Variants in PRKN observed in about 807,000 individuals in gnomAD.
PRKN encodes parkin RBR E3 ubiquitin protein ligase.
Under a neutral mutation model 59.5 loss-of-function variants are expected in PRKN, and 56 were observed. The ratio of observed to expected loss-of-function variants is 0.94; its 90% CI spans 0.76 to 1.18. PRKN has a LOEUF of 1.18. PRKN is among the 50% of genes most tolerant of loss of function. PRKN has a pLI of 0.00. For missense variants in PRKN, 657 were observed against 596.4 expected, an observed-to-expected ratio of 1.10 and a Z score of -1.06; for synonymous variants, 250 against 222.1, an observed-to-expected ratio of 1.13 and a Z score of -1.12.
At chr6:162,115,387 C>T (rs1195521035) in intron 4 of PRKN, among the ~76,000 whole-genome samples, 1 of 151,812 alleles carries the variant, frequency 6.6e-6, no homozygotes, top group East Asian at 1.9e-4. Context: ...GGAAATATAC[C>T]TAATGCTAGA....
At chr6:162,138,748 T>C (rs1411516084) in intron 4 of PRKN, among the ~76,000 whole-genome samples, 1 of 152,096 alleles carries the variant, frequency 6.6e-6, no homozygotes, top group Non-Finnish European at 1.5e-5. Flanking sequence ...ATATTTTCAA[T>C]AAAGATACAC....
chr6:162,138,835 T>C (rs1238770579), intron 4 of PRKN, among the ~76,000 whole-genome samples: 1 of 152,096 alleles, frequency 6.6e-6, no homozygotes, highest in East Asian at 1.9e-4. Flanking sequence ...AGAGAACCCA[T>C]TCATAACTCA....
intron 1 of PRKN, among the ~76,000 whole-genome samples, chr6:162,455,714 C>A (rs192586459): frequency 2.7e-5 from 4 of 150,350 alleles, no homozygotes; most frequent in African/African-American, 1.0e-4. Context: ...TGTCAAAAGG[C>A]GGTCACTTTC....
intron 4 of PRKN, among the ~76,000 whole-genome samples, chr6:162,123,447 T>C (rs1237690409): frequency 6.6e-6 from 1 of 152,208 alleles, no homozygotes; most frequent in African/African-American, 2.4e-5. Flanking sequence ...AATATAGGTA[T>C]GTATATGGTA....
In PRKN at chr6:162,501,648, G is replaced by A. The variant is rs373929803; in HGVS notation, c.8-58175C>T. ...TGGGATTACAGGTGTGAGCCACCGC[G>A]CCCGGCCATGCTCCTAAAACTCTAA... On this transcript the variant is annotated intron_variant, in intron 1 of 11. Coordinates refer to ENST00000366898, the MANE Select transcript of PRKN (RefSeq NM_004562.3). Among the ~76,000 whole-genome samples the A allele has an allele frequency of 1.6e-4, 24 of 151,828 alleles. No individual in the cohort carries two copies. The East Asian group carries it at 3.1e-3, about 20-fold the overall frequency.
chr6:162,158,696 G>A (rs569655978), intron 4 of PRKN, among the ~76,000 whole-genome samples: 2 of 152,080 alleles, frequency 1.3e-5, no homozygotes, highest in East Asian at 1.9e-4. Context: ...CTTCCAAAGG[G>A]CTGGGATTAC....
chr6:161,912,936 G>C, intron 6 of PRKN, among the ~76,000 whole-genome samples: 1 of 152,086 alleles, frequency 6.6e-6, no homozygotes, highest in East Asian at 1.9e-4. Flanking sequence ...CAGCAGTTTG[G>C]GTGGACGAGG....
intron 7 of PRKN, among the ~76,000 whole-genome samples, chr6:161,665,686 T>C (rs745967850): frequency 6.6e-6 from 1 of 152,194 alleles, no homozygotes; most frequent in African/African-American, 2.4e-5. Context: ...TCAAACATTT[T>C]AGGTCAAGGT....
rs188082227 is a variant in PRKN at position 162,302,872 on chromosome 6, T to A, written c.172-40107A>T. On this transcript the variant is annotated intron_variant, in intron 2 of 11. Transcript: ENST00000366898. Reference sequence around the variant, plus strand: ...TGCCACATTTATATTTCTTGTTCAATTAGTTCATTATTTTGGTGCCCTTTT... The same window carrying A: ...TGCCACATTTATATTTCTTGTTCAAATAGTTCATTATTTTGGTGCCCTTTT... Among the ~76,000 whole-genome samples the A allele has an allele frequency of 6.3e-3, 964 of 152,098 alleles. 6 individuals carry two copies. Among genetic ancestry groups the A allele is most frequent in the Admixed American group, 9.2e-3 (140 of 15,268 alleles).
At chr6:161,777,950 T>G (rs1188217128) in intron 7 of PRKN, among the ~76,000 whole-genome samples, 2 of 149,158 alleles carry the variant, frequency 1.3e-5, no homozygotes, top group Admixed American at 6.8e-5. Flanking sequence ...GTCCCAGGGG[T>G]TTAAAAATTA....
intron 6 of PRKN, among the ~76,000 whole-genome samples, chr6:161,933,095 C>T (rs1779226782): frequency 1.3e-5 from 2 of 152,118 alleles, no homozygotes; most frequent in African/African-American, 2.4e-5. Context: ...GCCTGGCTAA[C>T]ATGGTGAAAG....
At position 161,370,591 on chromosome 6, in the gene PRKN, C is replaced by CAAAAAAAAAAAAAAAAAAAA. The variant is rs560655971; in HGVS notation, c.1168-10406_1168-10387dup. Among the ~76,000 whole-genome samples, 3 of 57,822 alleles carry CAAAAAAAAAAAAAAAAAAAA rather than the reference C, an allele frequency of 5.2e-5. 1 individual carries two copies. Among genetic ancestry groups the CAAAAAAAAAAAAAAAAAAAA allele is most frequent in the Non-Finnish European group, 9.1e-5 (3 of 32,874 alleles). 37.9% of individuals were successfully genotyped at this position (57,822 alleles called of 152,430 possible). A position where few individuals can be genotyped will look rare whatever the true frequency, so the allele number is the denominator to read the frequency against. Reference sequence around the variant, plus strand: ...TGGGCGACAGAGCAAGACTCTGTGTCAAAAAAAAAAAAAAAAAAAAGCCGA... The same window carrying CAAAAAAAAAAAAAAAAAAAA: ...TGGGCGACAGAGCAAGACTCTGTGTCAAAAAAAAAAAAAAAAAAAAAAAAAAAAAAAAAAAAAAAAGCCGA... On this transcript the variant is annotated intron_variant, in intron 10 of 11. Coordinates refer to ENST00000366898, the MANE Select transcript of PRKN (RefSeq NM_004562.3).
At chr6:161,906,392 C>T (rs1266626167) in intron 6 of PRKN, among the ~76,000 whole-genome samples, 1 of 152,058 alleles carries the variant, frequency 6.6e-6, no homozygotes, top group African/African-American at 2.4e-5. Context: ...GCCCAGCTTC[C>T]ACCATCAGCA....
At chr6:161,603,408 A>T (rs1782173528) in intron 7 of PRKN, among the ~76,000 whole-genome samples, 1 of 152,246 alleles carries the variant, frequency 6.6e-6, no homozygotes, top group Non-Finnish European at 1.5e-5. Flanking sequence ...TTAGCCAATT[A>T]CATAATTTAT....
chr6:161,896,839 C>T (rs894280856), intron 6 of PRKN, among the ~76,000 whole-genome samples: 7 of 152,098 alleles, frequency 4.6e-5, no homozygotes, highest in African/African-American at 1.4e-4. Flanking sequence ...TCCACTGGAT[C>T]TATTTTCTGG....
chr6:161,704,816 TC>T (rs1786414242), intron 7 of PRKN, among the ~76,000 whole-genome samples: 1 of 152,162 alleles, frequency 6.6e-6, no homozygotes, highest in South Asian at 2.1e-4. Flanking sequence ...CTATGCTTCC[TC>T]CTCCATCATA....
intron 1 of PRKN, chr6:162,569,366 A>C: frequency 1.5e-6 from 1 of 648,948 alleles, no homozygotes; most frequent in Non-Finnish European, 3.0e-6. Context: ...GCAACAGGCC[A>C]TGCAGGACAT....
intron 5 of PRKN, among the ~76,000 whole-genome samples, chr6:161,998,444 T>G (rs1277469403): frequency 3.9e-5 from 6 of 152,144 alleles, no homozygotes; most frequent in Admixed American, 3.9e-4. Flanking sequence ...CCCCCATATA[T>G]TTGCATGTAA....
chr6:162,268,256 G>A (rs1383841305), intron 2 of PRKN, among the ~76,000 whole-genome samples: 1 of 152,106 alleles, frequency 6.6e-6, no homozygotes, highest in African/African-American at 2.4e-5. Flanking sequence ...GCATGAAGAG[G>A]TGGAGCCTCT....
Sources: allele counts gnomAD v4.1 joint callset (sites outside exome capture counted in the v4.1 genomes callset), GRCh38; gene constraint gnomAD v4.1.1; transcripts MANE v1.5; gene names NCBI Gene and HGNC (gene_info 2026-07-23, HGNC 2026-07-21).